PLPP4: variants seen among roughly 807,000 people sequenced by gnomAD.
PLPP4 encodes the protein diacylglycerol pyrophosphate like 2.
A neutral mutation model predicts 32.2 loss-of-function variants in PLPP4; 20 were observed. The observed-to-expected ratio is 0.62, with a 90% CI of 0.44 to 0.90. The LOEUF is 0.90. Ranked by LOEUF, PLPP4 falls within the 40% of genes least tolerant of loss-of-function variation. PLPP4 has a pLI of 0.00. For missense variants in PLPP4, 257 were observed against 353.1 expected (o/e 0.73, Z 2.18); for synonymous variants, 127 against 133.0 (o/e 0.95, Z 0.31).
intron 1 of PLPP4, among the ~76,000 whole-genome samples, chr10:120,495,332 G>A (rs1436872627): frequency 1.3e-5 from 2 of 152,116 alleles, no homozygotes; most frequent in East Asian, 3.9e-4. Flanking sequence ...ACCTGTCTGA[G>A]GGCAGTTTGC....
At chr10:120,499,995 C>T (rs1251096067) in intron 1 of PLPP4, among the ~76,000 whole-genome samples, 2 of 152,162 alleles carry the variant, frequency 1.3e-5, no homozygotes, top group Non-Finnish European at 2.9e-5. Flanking sequence ...TTTATTAAGA[C>T]CTTGGTCCTC....
At chr10:120,528,172 T>TCA (rs1218435364) in intron 5 of PLPP4, among the ~76,000 whole-genome samples, 1 of 147,950 alleles carries the variant, frequency 6.8e-6, no homozygotes, top group African/African-American at 2.5e-5. Context: ...CCTGCCGGGT[T>TCA]CACGCCATTC....
chr10:120,460,391 C>T (rs569015987), intron 1 of PLPP4, among the ~76,000 whole-genome samples: 2 of 152,284 alleles, frequency 1.3e-5, no homozygotes, highest in East Asian at 3.9e-4. Context: ...AGACCTTACT[C>T]AGCAAGCACA....
intron 1 of PLPP4, among the ~76,000 whole-genome samples, chr10:120,471,283 C>T (rs1168209395): frequency 1.3e-5 from 2 of 152,044 alleles, no homozygotes; most frequent in African/African-American, 2.4e-5. Flanking sequence ...TTAAAACCAA[C>T]TTATTATGTG....
intron 6 of PLPP4, chr10:120,587,435 T>G (rs568896711): frequency 6.6e-6 from 1 of 152,354 alleles, no homozygotes; most frequent in Admixed American, 6.5e-5. Context: ...AGCTTTTCTT[T>G]TATTTGTACT....
intron 3 of PLPP4, among the ~76,000 whole-genome samples, chr10:120,515,745 A>G (rs1266943573): frequency 6.6e-6 from 1 of 152,238 alleles, no homozygotes; most frequent in Non-Finnish European, 1.5e-5. Context: ...ATATCACCAT[A>G]GTCTCCAAAA....
At chr10:120,464,746 C>T (rs1400499681) in intron 1 of PLPP4, among the ~76,000 whole-genome samples, 1 of 152,170 alleles carries the variant, frequency 6.6e-6, no homozygotes, top group Non-Finnish European at 1.5e-5. Context: ...AAGGAAAATG[C>T]TATGTCCCCG....
At chr10:120,500,398 G>C (rs1845186463) in intron 1 of PLPP4, among the ~76,000 whole-genome samples, 1 of 152,152 alleles carries the variant, frequency 6.6e-6, no homozygotes, top group African/African-American at 2.4e-5. Flanking sequence ...ATATATTTCA[G>C]AGGTGGCTGC....
At chr10:120,580,764 A>T in intron 6 of PLPP4, 1 of 671,530 alleles carries the variant, frequency 1.5e-6, no homozygotes, top group Non-Finnish European at 2.2e-6. Context: ...AAGTGACTTG[A>T]AAAAGATCCC....
chr10:120,537,452 A>G (rs559712904), intron 5 of PLPP4, among the ~76,000 whole-genome samples: 3 of 152,352 alleles, frequency 2.0e-5, no homozygotes, highest in Non-Finnish European at 4.4e-5. Context: ...AAAGACAACT[A>G]CTGCATGATC....
intron 1 of PLPP4, among the ~76,000 whole-genome samples, chr10:120,473,762 C>T (rs1843768115): frequency 6.6e-6 from 1 of 152,050 alleles, no homozygotes; most frequent in Non-Finnish European, 1.5e-5. Context: ...AGTGGCACTT[C>T]CCCCTTCACT....
chr10:120,517,003 G>A (rs1205130383), intron 3 of PLPP4, among the ~76,000 whole-genome samples: 2 of 152,186 alleles, frequency 1.3e-5, no homozygotes, highest in African/African-American at 4.8e-5. Context: ...GCCAACTGTA[G>A]GTGGTTATAT....
In PLPP4 at chr10:120,561,626, T is replaced by C. The variant is rs111829073; in HGVS notation, c.446-13505T>C. ...GGTTGGGCTGTCTTTGGGTACAAAT[T>C]TCAGTGGCTTAAAACTCAAAGGGCT... On this transcript the variant is annotated intron_variant, in intron 5 of 6. Coordinates refer to ENST00000398250, the MANE Select transcript of PLPP4 (RefSeq NM_001030059.3). 8.5e-3 allele frequency among the ~76,000 whole-genome samples: 1,294 copies of C among 152,304 alleles called. 23 individuals are homozygous for C. Among genetic ancestry groups the C allele is most frequent in the African/African-American group, 0.03 (1,242 of 41,548 alleles).
At chr10:120,569,569 T>A (rs1848838863) in intron 5 of PLPP4, among the ~76,000 whole-genome samples, 1 of 152,216 alleles carries the variant, frequency 6.6e-6, no homozygotes, top group African/African-American at 2.4e-5. Context: ...TTTTCCCCAT[T>A]GCTCATTTTC....
chr10:120,542,304 C>A (rs1016038566), intron 5 of PLPP4, among the ~76,000 whole-genome samples: 5 of 152,216 alleles, frequency 3.3e-5, no homozygotes, highest in Admixed American at 2.6e-4. Context: ...TGACTTTAAA[C>A]AGTGGGGACA....
At chr10:120,531,873 T>TACAC (rs145252286) in intron 5 of PLPP4, among the ~76,000 whole-genome samples, 71,478 of 147,954 alleles carry the variant, frequency 0.48, 17,870 homozygotes, top group East Asian at 0.58. Flanking sequence ...CTACACACAC[T>TACAC]ACACACACAC....
rs987970310 is a variant in PLPP4 at position 120,590,643 on chromosome 10, A to C, written c.*1141A>C. Reference sequence around the variant, plus strand: ...GTATAGAGCACGCTGCTCCTTGGCCAGCTAGTTTTTTCAAGGCAAGGAGCA... The same window carrying C: ...GTATAGAGCACGCTGCTCCTTGGCCCGCTAGTTTTTTCAAGGCAAGGAGCA... On this transcript the variant is annotated 3_prime_UTR_variant, in exon 7 of 7. Transcript: ENST00000398250. Among the ~76,000 whole-genome samples the C allele has an allele frequency of 1.3e-5, 2 of 152,130 alleles. No homozygotes were observed. The highest frequency in any genetic ancestry group is 4.8e-5 in the African/African-American group (2 of 41,412).
chr10:120,548,772 C>A (rs1394645847), intron 5 of PLPP4, among the ~76,000 whole-genome samples: 4 of 151,964 alleles, frequency 2.6e-5, no homozygotes, highest in African/African-American at 4.8e-5. Context: ...ACCACTCTGA[C>A]TGTCATGAAA....
At chr10:120,587,849 C>T (rs1344003984) in intron 6 of PLPP4, among the ~76,000 whole-genome samples, 3 of 152,330 alleles carry the variant, frequency 2.0e-5, no homozygotes, top group East Asian at 1.9e-4. Context: ...TACTGGGAAG[C>T]GTTGGGAAAC....
Sources: allele counts gnomAD v4.1 joint callset (sites outside exome capture counted in the v4.1 genomes callset), GRCh38; gene constraint gnomAD v4.1.1; transcripts MANE v1.5; gene names NCBI Gene and HGNC (gene_info 2026-07-23, HGNC 2026-07-21).